HERC2: variants seen among roughly 807,000 people sequenced by gnomAD.
HERC2 encodes E3 ubiquitin-protein ligase HERC2.
HERC2 carries 102 observed loss-of-function variants against 537.7 expected under a neutral mutation model. The ratio of observed to expected loss-of-function variants is 0.19; its 90% CI spans 0.16 to 0.22. The LOEUF (loss-of-function observed/expected upper bound fraction) is 0.22, where lower values mean the gene tolerates loss of function less well. HERC2 is among the 10% of genes least tolerant of loss of function. HERC2 has a pLI of 1.00. For synonymous variants in HERC2, 2,224 were observed against 2,466.2 expected (o/e 0.90, Z 2.91); for missense variants, 4,236 against 6,198.2 (o/e 0.68, Z 10.63).
chr15:28,114,153 G>A (rs994780912), intron 90 of HERC2, among the ~76,000 whole-genome samples: 11 of 152,186 alleles, frequency 7.2e-5, no homozygotes, highest in African/African-American at 2.7e-4. Flanking sequence ...AGGGGACATG[G>A]GACAAGCAGT....
chr15:28,114,522 G>A, intron 90 of HERC2, 90 bp downstream of exon 90: 1 of 1,150,092 alleles, frequency 8.7e-7, no homozygotes, highest in Non-Finnish European at 1.3e-6. Flanking sequence ...TACTGTGTAT[G>A]ACACTCCTGA....
chr15:28,173,460 TAA>T (rs928377453), intron 65 of HERC2, among the ~76,000 whole-genome samples: 2 of 152,192 alleles, frequency 1.3e-5, no homozygotes, highest in Non-Finnish European at 2.9e-5. Context: ...AAAAGATTTT[TAA>T]AAAGAGTATA....
intron 20 of HERC2, among the ~76,000 whole-genome samples, chr15:28,250,917 A>G (rs909925334): frequency 3.3e-5 from 5 of 152,236 alleles, no homozygotes; most frequent in African/African-American, 1.2e-4. Context: ...TTGTGAGGTG[A>G]TAACTATGTT....
rs1890240746 is a variant in HERC2 at position 28,132,819 on chromosome 15, C to T, written c.12242G>A (p.Arg4081His). The stretch of plus-strand genomic sequence containing the variant: ...TCTCAGAGACTCGATGACACGAGGG[C>T]GGTCACACGGACTGCAAAAAAGTCA... ...LGHGNRSPCD[R>H]PRVIESLRGI... Residue 4081 changes from arginine to histidine, a missense_variant, in exon 80 of 93, where the codon CGC (arginine) becomes CAC (histidine). This residue lies in a region of HERC2 where 94 missense variants were observed against 137.4 expected (regional missense o/e 0.68). Coordinates refer to ENST00000261609, the MANE Select transcript of HERC2 (RefSeq NM_004667.6). 1.9e-6 allele frequency: 3 copies of T among 1,546,824 alleles called. No individual in the cohort carries two copies. Among genetic ancestry groups the T allele is most frequent in the Non-Finnish European group, 2.6e-6 (3 of 1,146,014 alleles).
At chr15:28,135,263 T>C (rs1890515663) in intron 79 of HERC2, among the ~76,000 whole-genome samples, 1 of 152,186 alleles carries the variant, frequency 6.6e-6, no homozygotes, top group Admixed American at 6.5e-5. Context: ...AAACACAGAA[T>C]TGACTTTTTT....
intron 5 of HERC2, among the ~76,000 whole-genome samples, chr15:28,277,478 A>G (rs796507163): frequency 0.015 from 2,326 of 150,430 alleles, 43 homozygotes; most frequent in African/African-American, 0.049. Context: ...AAAAAAAAAA[A>G]GGGGCTTTTT....
At chr15:28,236,386 G>C (rs1351682645) in intron 26 of HERC2, among the ~76,000 whole-genome samples, 1 of 152,060 alleles carries the variant, frequency 6.6e-6, no homozygotes, top group Non-Finnish European at 1.5e-5. Flanking sequence ...CGTCTCCTGG[G>C]TTCAAGCAAT....
chr15:28,116,985 G>C (rs767888520), intron 87 of HERC2, 28 bp downstream of exon 87: 2 of 1,613,768 alleles, frequency 1.2e-6, no homozygotes, highest in African/African-American at 2.7e-5. Context: ...CGGGGACACA[G>C]GTGCTCCAGC....
In HERC2 at chr15:28,130,488, C is replaced by G; in HGVS notation, c.12662+15G>C. On this transcript the variant is annotated intron_variant, in intron 82 of 92. Transcript: ENST00000261609. ...TCTGGTTTTAGTGGGTTTAAACAAA[C>G]AGAATCTTGCGTACCAGGTATAAAC... The G allele has an allele frequency of 6.2e-7, 1 of 1,611,528 alleles. No homozygotes were observed. Among genetic ancestry groups the G allele is most frequent in the South Asian group, 1.1e-5 (1 of 91,018 alleles).
intron 2 of HERC2, among the ~76,000 whole-genome samples, chr15:28,308,349 C>T (rs1307453000): frequency 6.6e-6 from 1 of 152,138 alleles, no homozygotes; most frequent in African/African-American, 2.4e-5. Context: ...ATTTCTTTTT[C>T]ATATTGTTTA....
chr15:28,190,161 A>ACTACGCC (rs1434599644), intron 55 of HERC2: 3 of 146,080 alleles, frequency 2.1e-5, no homozygotes, highest in Non-Finnish European at 3.0e-5. Flanking sequence ...GGTGCCTGCC[A>ACTACGCC]CTACGCCCGG....
chr15:28,255,927 A>G lies in HERC2; in HGVS notation c.2816T>C (p.Met939Thr). The G allele has an allele frequency of 3.1e-6, 5 of 1,604,674 alleles. No homozygotes were observed. The highest frequency in any genetic ancestry group is 4.2e-6 in the Non-Finnish European group (5 of 1,179,804). The stretch of plus-strand genomic sequence containing the variant: ...GGCTGACTCCAACCCTCCATCAGCC[A>G]TCAAGCTGCCCACCAGAAGATCAAT... ...FMIDLLVGSL[M>T]ADGGLESALH... Residue 939 changes from methionine (M) to threonine (T), a missense_variant, in exon 19 of 93, where the codon ATG (methionine) becomes ACG (threonine). By Grantham distance (81) the Met-to-Thr change is moderately conservative. Coordinates refer to ENST00000261609, the MANE Select transcript of HERC2 (RefSeq NM_004667.6).
rs553526491 is a variant in HERC2 at position 28,319,564 on chromosome 15, G to A, written c.72+1798C>T. On this transcript the variant is annotated intron_variant, in intron 2 of 92. Coordinates refer to ENST00000261609, the MANE Select transcript of HERC2 (RefSeq NM_004667.6). The stretch of plus-strand genomic sequence containing the variant: ...TGCGCCACTGCACGCCAGCCTGGGC[G>A]ACAGAGCAAGACTGCGTCTCAAAAA... 4.5e-5 allele frequency among the ~76,000 whole-genome samples: 6 copies of A among 132,868 alleles called. No individual in the cohort carries two copies. The South Asian group carries it at 1.2e-3, about 26-fold the overall frequency. 87.2% of individuals were successfully genotyped at this position (132,868 alleles called of 152,430 possible).
intron 78 of HERC2, among the ~76,000 whole-genome samples, chr15:28,140,638 CAG>C (rs1891124777): frequency 1.3e-5 from 2 of 151,908 alleles, no homozygotes; most frequent in African/African-American, 4.8e-5. Context: ...TCTCCTGCCT[CAG>C]CCTCCCGAGT....
At chr15:28,263,441 A>G (rs1236317067) in intron 14 of HERC2, among the ~76,000 whole-genome samples, 1 of 152,130 alleles carries the variant, frequency 6.6e-6, no homozygotes, top group Non-Finnish European at 1.5e-5. Flanking sequence ...CTCAATGTTA[A>G]CTGCTTCACA....
At chr15:28,291,753 G>C (rs896346608) in intron 4 of HERC2, among the ~76,000 whole-genome samples, 2 of 151,524 alleles carry the variant, frequency 1.3e-5, no homozygotes, top group African/African-American at 4.9e-5. Context: ...TTAAAAAATG[G>C]AATTAGCCGG....
In HERC2 at chr15:28,289,766, A is replaced by G. The variant is rs375774175; in HGVS notation, c.322+3122T>C. ...CTGGAAAACGTTCCCTAAGGTGTAT[A>G]AACTATCTGACTACAAAAGGGAAAC... On this transcript the variant is annotated intron_variant, in intron 4 of 92. Coordinates refer to ENST00000261609, the MANE Select transcript of HERC2 (RefSeq NM_004667.6). Among the ~76,000 whole-genome samples the G allele has an allele frequency of 2.0e-4, 30 of 152,372 alleles. No individual in the cohort carries two copies. In the South Asian group the frequency reaches 5.6e-3, roughly 28 times the overall value.
At chr15:28,117,282 C>T in intron 86 of HERC2, 128 bp from the exon 87 acceptor site, 1 of 962,914 alleles carries the variant, frequency 1.0e-6, no homozygotes, top group Non-Finnish European at 1.6e-6. Context: ...GGTCACACAC[C>T]TGCTTGTGTG....
intron 70 of HERC2, among the ~76,000 whole-genome samples, chr15:28,148,342 G>A (rs185926901): frequency 3.7e-4 from 57 of 152,064 alleles, no homozygotes; most frequent in Admixed American, 1.7e-3. Flanking sequence ...GAAAAAAGGA[G>A]GAAATTTTAA....
Sources: gnomAD v4.1 joint callset for allele counts (sites outside exome capture counted in the v4.1 genomes callset) on GRCh38, gnomAD v4.1.1 for gene constraint, gnomAD v4.1.1 regional missense constraint, MANE v1.5 for transcripts, NCBI Gene and HGNC (gene_info 2026-07-23, HGNC 2026-07-21) for gene names.